The following MEGF11 variants were observed in gnomAD, a reference collection of about 807,000 sequenced individuals.
The protein encoded by MEGF11 is multiple EGF like domains 11, also known as multiple epidermal growth factor-like domains protein 11.
In MEGF11, 126 loss-of-function variants were observed where a neutral mutation model predicts 146.6. The ratio of observed to expected loss-of-function variants is 0.86; its 90% CI spans 0.74 to 1.00. The LOEUF (loss-of-function observed/expected upper bound fraction) is 1.00, where lower values mean the gene tolerates loss of function less well. Ranked by LOEUF, MEGF11 falls within the 50% of genes least tolerant of loss-of-function variation. MEGF11 has a pLI of 0.00. For missense variants in MEGF11, 1,509 were observed against 1,521.2 expected, an observed-to-expected ratio of 0.99 and a Z score of 0.13; for synonymous variants, 532 against 583.4, an observed-to-expected ratio of 0.91 and a Z score of 1.27.
intron 1 of MEGF11, among the ~76,000 whole-genome samples, chr15:66,192,862 G>A (rs553277537): frequency 6.6e-6 from 1 of 152,352 alleles, no homozygotes; most frequent in Admixed American, 6.5e-5. Context: ...CGTCTGTGAT[G>A]TCACCAACAT....
At chr15:66,174,609 G>A (rs2141127555) in intron 1 of MEGF11, among the ~76,000 whole-genome samples, 1 of 151,668 alleles carries the variant, frequency 6.6e-6, no homozygotes, top group Admixed American at 6.6e-5. Flanking sequence ...TCCTGGTACT[G>A]CATTCTAGAT....
chr15:66,188,204 A>G (rs2090764766), intron 1 of MEGF11, among the ~76,000 whole-genome samples: 1 of 152,064 alleles, frequency 6.6e-6, no homozygotes, highest in South Asian at 2.1e-4. Context: ...GGGGACAAAA[A>G]TTGCTTCTTG....
intron 13 of MEGF11, among the ~76,000 whole-genome samples, chr15:65,927,969 C>T (rs1014091564): frequency 5.9e-5 from 9 of 152,150 alleles, no homozygotes; most frequent in African/African-American, 7.2e-5. Context: ...TGGGCAAGAG[C>T]GGAGGCCAAG....
chr15:66,049,970 G>T (rs1418290801), intron 5 of MEGF11, among the ~76,000 whole-genome samples: 1 of 152,110 alleles, frequency 6.6e-6, no homozygotes, highest in Non-Finnish European at 1.5e-5. Context: ...GCTTCTTATG[G>T]GCTGGGCACT....
chr15:66,100,251 G>T (rs2086733612), intron 4 of MEGF11, among the ~76,000 whole-genome samples: 1 of 152,182 alleles, frequency 6.6e-6, no homozygotes, highest in Non-Finnish European at 1.5e-5. Flanking sequence ...TACAGAGAGG[G>T]CCAGGCCTTG....
chr15:66,199,025 C>T (rs61228104), intron 1 of MEGF11, among the ~76,000 whole-genome samples: 3,266 of 152,220 alleles, frequency 0.021, 114 homozygotes, highest in African/African-American at 0.075. Context: ...CTCTGGAGGT[C>T]CTCCTAATTG....
At chr15:66,135,113 C>T (rs1190735031) in intron 1 of MEGF11, among the ~76,000 whole-genome samples, 4 of 152,160 alleles carry the variant, frequency 2.6e-5, no homozygotes, top group South Asian at 2.1e-4. Flanking sequence ...TAAATGAGAA[C>T]GCAGGTAACG....
rs2082172933 is a variant in MEGF11, at chr15:65,995,547, A to G, written c.395-13059T>C. Among the ~76,000 whole-genome samples, 4 of 152,330 alleles carry G rather than the reference A, an allele frequency of 2.6e-5. No homozygotes were observed. The South Asian group carries it at 8.3e-4, about 32-fold the overall frequency. On this transcript the variant is annotated intron_variant, in intron 5 of 25. Transcript: ENST00000395614. Reference sequence around the variant, plus strand: ...TGGCCAGTAACAGCCCCTAGACTGCATGTCTAGAGAGCACACTCTGAAGAG... The same window carrying G: ...TGGCCAGTAACAGCCCCTAGACTGCGTGTCTAGAGAGCACACTCTGAAGAG...
At chr15:66,217,006 G>A (rs2091602754) in intron 1 of MEGF11, among the ~76,000 whole-genome samples, 1 of 152,210 alleles carries the variant, frequency 6.6e-6, no homozygotes, top group African/African-American at 2.4e-5. Flanking sequence ...GACTGGCCGA[G>A]GCCTTGGTTG....
rs553766664 is a variant in MEGF11 at position 66,049,944 on chromosome 15, C to G, written c.394+44458G>C. Among the ~76,000 whole-genome samples the G allele has an allele frequency of 3.3e-5, 5 of 152,322 alleles. No individual in the cohort carries two copies. In the South Asian group the frequency reaches 1.0e-3, roughly 32 times the overall value. On this transcript the variant is annotated intron_variant, in intron 5 of 25. Transcript: ENST00000395614. ...TTTATTCATTTATTCATTCAAGCAACTAATATTTATCAAGGGCTTCTTATG... is the reference window on the plus strand; with the variant it reads ...TTTATTCATTTATTCATTCAAGCAAGTAATATTTATCAAGGGCTTCTTATG...
At chr15:66,227,934 C>G (rs1567291446) in intron 1 of MEGF11, among the ~76,000 whole-genome samples, 1 of 152,130 alleles carries the variant, frequency 6.6e-6, no homozygotes, top group Non-Finnish European at 1.5e-5. Context: ...CTCCCCACTC[C>G]AATGACACAT....
chr15:66,229,667 C>T (rs1354609414), intron 1 of MEGF11, among the ~76,000 whole-genome samples: 3 of 152,192 alleles, frequency 2.0e-5, no homozygotes, highest in Non-Finnish European at 4.4e-5. Flanking sequence ...CTCTGAGTCT[C>T]TCTCTGCTCT....
At chr15:66,182,926 C>G (rs8030058) in intron 1 of MEGF11, among the ~76,000 whole-genome samples, 113,538 of 152,060 alleles carry the variant, frequency 0.75, 43,236 homozygotes, top group African/African-American at 0.9. Context: ...TCACCCATGA[C>G]GAGTAGCAGG....
intron 5 of MEGF11, among the ~76,000 whole-genome samples, chr15:66,006,167 G>A (rs962824174): frequency 5.3e-5 from 8 of 152,196 alleles, no homozygotes; most frequent in Admixed American, 3.9e-4. Flanking sequence ...CCTATTTGTT[G>A]TTGCTGTGAA....
chr15:66,247,114 A>ATG (rs2092306291), intron 1 of MEGF11, among the ~76,000 whole-genome samples: 1 of 152,098 alleles, frequency 6.6e-6, no homozygotes, highest in Non-Finnish European at 1.5e-5. Flanking sequence ...TAAGTGCTGG[A>ATG]GTTTCAGTAT....
chr15:66,110,706 C>T (rs2087349046), intron 4 of MEGF11, among the ~76,000 whole-genome samples: 1 of 152,200 alleles, frequency 6.6e-6, no homozygotes, highest in African/African-American at 2.4e-5. Context: ...AACACTGTTT[C>T]TGGTGATGGC....
At chr15:65,954,275 A>G (rs372291546) in intron 10 of MEGF11, among the ~76,000 whole-genome samples, 2 of 152,204 alleles carry the variant, frequency 1.3e-5, no homozygotes. Flanking sequence ...AGGCATTGCT[A>G]ATTATTACTG....
At chr15:65,978,075 AG>A in intron 7 of MEGF11, among the ~76,000 whole-genome samples, 1 of 152,376 alleles carries the variant, frequency 6.6e-6, no homozygotes, top group South Asian at 2.1e-4. Flanking sequence ...AGGGGCCTGG[AG>A]GGCCAGAGTT....
chr15:65,989,202 G>A (rs1325352657), intron 5 of MEGF11, among the ~76,000 whole-genome samples: 1 of 152,158 alleles, frequency 6.6e-6, no homozygotes, highest in African/African-American at 2.4e-5. Context: ...GCTGGAGGTG[G>A]GGTGGGAGAG....
Sources: allele counts gnomAD v4.1 joint callset (sites outside exome capture counted in the v4.1 genomes callset), GRCh38; gene constraint gnomAD v4.1.1; transcripts MANE v1.5; gene names NCBI Gene and HGNC (gene_info 2026-07-23, HGNC 2026-07-21).